Variants in KDM2A observed in about 807,000 individuals in gnomAD.
KDM2A encodes the protein lysine-specific demethylase 2A.
Under a neutral mutation model 137.3 loss-of-function variants are expected in KDM2A, and 3 were observed. That is an observed-to-expected ratio of 0.02 (90% confidence interval 0.01 to 0.06). KDM2A has a LOEUF of 0.06. KDM2A is among the 10% of genes least tolerant of loss of function. The pLI, the probability that KDM2A is intolerant of heterozygous loss-of-function variation, is 1.00. For synonymous variants in KDM2A, 512 were observed against 541.5 expected, an observed-to-expected ratio of 0.95 and a Z score of 0.76; for missense variants, 738 against 1,510.6, an observed-to-expected ratio of 0.49 and a Z score of 8.48.
intron 2 of KDM2A, among the ~76,000 whole-genome samples, chr11:67,173,639 C>T (rs1271639141): frequency 6.6e-6 from 1 of 151,744 alleles, no homozygotes; most frequent in African/African-American, 2.4e-5. Context: ...TCTGCCCGCC[C>T]TGGCCTCCCA....
intron 5 of KDM2A, among the ~76,000 whole-genome samples, chr11:67,186,679 TAA>T (rs1377788328): frequency 1.3e-5 from 2 of 152,248 alleles, no homozygotes; most frequent in Non-Finnish European, 2.9e-5. Flanking sequence ...GCATATTTTT[TAA>T]AAGACAGTTG....
chr11:67,145,957 T>C (rs1278462237), intron 2 of KDM2A, among the ~76,000 whole-genome samples: 1 of 151,596 alleles, frequency 6.6e-6, no homozygotes, highest in Non-Finnish European at 1.5e-5. Context: ...TTCTGGTATA[T>C]AAAATGCCTG....
At chr11:67,137,432 T>G (rs967391546) in intron 2 of KDM2A, among the ~76,000 whole-genome samples, 2 of 152,168 alleles carry the variant, frequency 1.3e-5, no homozygotes. Context: ...GTGGTATGGT[T>G]GAGTGCTGAC....
chr11:67,214,638 C>A (rs1051602190), intron 6 of KDM2A, among the ~76,000 whole-genome samples: 2 of 152,072 alleles, frequency 1.3e-5, no homozygotes, highest in Admixed American at 1.3e-4. Context: ...CTGATCCCAA[C>A]TATTTTTTTA....
chr11:67,203,813 T>A (rs982610168), intron 5 of KDM2A, among the ~76,000 whole-genome samples: 4 of 151,754 alleles, frequency 2.6e-5, no homozygotes, highest in Non-Finnish European at 5.9e-5. Flanking sequence ...TTCTTTTTTC[T>A]TTTTAAGACA....
chr11:67,205,820 T>C (rs565315956), intron 5 of KDM2A, among the ~76,000 whole-genome samples: 1 of 152,184 alleles, frequency 6.6e-6, no homozygotes, highest in Non-Finnish European at 1.5e-5. Context: ...TTCTCTCCCT[T>C]CCTTGACCAC....
chr11:67,210,796 C>T (rs1260987673), intron 6 of KDM2A, among the ~76,000 whole-genome samples: 1 of 152,140 alleles, frequency 6.6e-6, no homozygotes, highest in Non-Finnish European at 1.5e-5. Context: ...GGAATAGTCA[C>T]ACATTTCAAA....
rs978940394 is a variant in KDM2A, at chr11:67,256,423, T to C, written c.*1368T>C. The C allele has an allele frequency of 6.6e-6, 1 of 152,484 alleles. No homozygotes were observed. The highest frequency in any genetic ancestry group is 1.5e-5 in the Non-Finnish European group (1 of 68,008). 9.4% of individuals were successfully genotyped at this position (152,484 alleles called of 1,614,324 possible). A position where few individuals can be genotyped will look rare whatever the true frequency, so the allele number is the denominator to read the frequency against. ...TATTTTTAAGTGTGTGAGGAGATGC[T>C]CAGTAGCAGCAGCCTATGGCAAGAG... On this transcript the variant is annotated 3_prime_UTR_variant, in exon 21 of 21. Transcript: ENST00000529006.
intron 12 of KDM2A, among the ~76,000 whole-genome samples, chr11:67,238,817 A>G (rs928018942): frequency 1.1e-4 from 16 of 152,210 alleles, no homozygotes; most frequent in African/African-American, 3.1e-4. Context: ...CATTGGCTCT[A>G]AAAAAGACCC....
intron 6 of KDM2A, among the ~76,000 whole-genome samples, chr11:67,214,018 A>G (rs1257383750): frequency 6.6e-6 from 1 of 151,774 alleles, no homozygotes; most frequent in Non-Finnish European, 1.5e-5. Flanking sequence ...ACATGCCACA[A>G]CGCCTGGCTG....
At chr11:67,221,452 A>G (rs868810882) in intron 10 of KDM2A, among the ~76,000 whole-genome samples, 5 of 152,214 alleles carry the variant, frequency 3.3e-5, no homozygotes, top group African/African-American at 4.8e-5. Context: ...GGTCTTTTAT[A>G]TATTATAGGA....
chr11:67,235,003 G>T (rs559602008), intron 12 of KDM2A, among the ~76,000 whole-genome samples: 3 of 151,922 alleles, frequency 2.0e-5, no homozygotes, highest in Admixed American at 2.0e-4. Flanking sequence ...AAATTAGCCA[G>T]GTGTCTTGGC....
intron 2 of KDM2A, among the ~76,000 whole-genome samples, chr11:67,145,325 A>G (rs1178610552): frequency 6.6e-6 from 1 of 151,462 alleles, no homozygotes; most frequent in African/African-American, 2.4e-5. Flanking sequence ...TCTACAAAAA[A>G]CACACACACA....
chr11:67,126,665 A>AC (rs1027942250), intron 2 of KDM2A, among the ~76,000 whole-genome samples: 1 of 149,092 alleles, frequency 6.7e-6, no homozygotes, highest in African/African-American at 2.5e-5. Context: ...CTGAGATCAC[A>AC]CCACTGCACT....
intron 5 of KDM2A, among the ~76,000 whole-genome samples, chr11:67,193,792 G>T (rs570708006): frequency 2.0e-5 from 3 of 152,126 alleles, no homozygotes; most frequent in Non-Finnish European, 4.4e-5. Context: ...ACCCAGGAGC[G>T]GGAGGTTGCG....
chr11:67,208,372 C>T (rs995026449), intron 6 of KDM2A, among the ~76,000 whole-genome samples: 4 of 151,758 alleles, frequency 2.6e-5, no homozygotes, highest in African/African-American at 4.8e-5. Context: ...CGTGCCTGGG[C>T]GTGAAATCAC....
Position 67,254,734 on chromosome 11 carries a change from TTCTGG to T in KDM2A, c.3308-136_3308-132del. ...GTCCCTTTGGAGGTGCTGATGGCACTTCTGGTCTCTGAGCCAGGTAGTTGTGGGAC... is the reference window on the plus strand; with the variant it reads ...GTCCCTTTGGAGGTGCTGATGGCACTTCTCTGAGCCAGGTAGTTGTGGGAC... On this transcript the variant is annotated intron_variant, in intron 20 of 20. Coordinates refer to ENST00000529006, the MANE Select transcript of KDM2A (RefSeq NM_012308.3). The surrounding 1 kb of genome is among the most constrained non-coding windows in gnomAD (Gnocchi z 4.7). The T allele has an allele frequency of 1.3e-6, 1 of 769,136 alleles. No homozygotes were observed. Among genetic ancestry groups the T allele is most frequent in the Non-Finnish European group, 2.1e-6 (1 of 476,146 alleles). The allele number at this position is 769,136 out of a possible 1,614,324, so 47.6% of individuals were successfully genotyped here.
chr11:67,245,306 G>A lies in KDM2A; in HGVS notation c.1681G>A (p.Val561Met). ...GAGGCCAGCTGCTGCCTCCCCGATT[G>A]TGTCAGGAGCCAGACGGAGACGAGT... ...PVRPAAASPI[V>M]SGARRRRVRC... The change falls in exon 14 of 21, where the codon GTG becomes ATG. Residue 561 changes from valine to methionine, a missense_variant. Physicochemically the swap from Val to Met is conservative, Grantham distance 21 (BLOSUM62 1). This residue lies in a region of KDM2A where 71 missense variants were observed against 147.9 expected (regional missense o/e 0.48). Transcript: ENST00000529006. This position sits in a 1 kb window ranked among gnomAD's most constrained non-coding sequence, Gnocchi z 4.1. The A allele has an allele frequency of 1.2e-6, 2 of 1,614,048 alleles. No individual in the cohort carries two copies. The highest frequency in any genetic ancestry group is 1.7e-6 in the Non-Finnish European group (2 of 1,179,898).
At chr11:67,143,808 T>A (rs1300217908) in intron 2 of KDM2A, among the ~76,000 whole-genome samples, 1 of 151,824 alleles carries the variant, frequency 6.6e-6, no homozygotes, top group East Asian at 1.9e-4. Context: ...AATTTCTGTA[T>A]TTTTAGTACA....
Sources: gnomAD v4.1 joint callset for allele counts (sites outside exome capture counted in the v4.1 genomes callset) on GRCh38, gnomAD v4.1.1 for gene constraint, gnomAD v4.1.1 regional missense constraint, Gnocchi (gnomAD v3.1) non-coding constraint, MANE v1.5 for transcripts, NCBI Gene and HGNC (gene_info 2026-07-23, HGNC 2026-07-21) for gene names.